RFX3: variants seen among roughly 807,000 people sequenced by gnomAD.
RFX3 encodes the protein transcription factor RFX3.
Under a neutral mutation model 98.6 loss-of-function variants are expected in RFX3, and 14 were observed. That is an observed-to-expected ratio of 0.14 (90% CI 0.09 to 0.22). The LOEUF (loss-of-function observed/expected upper bound fraction) is 0.22, where lower values mean the gene tolerates loss of function less well. Ranked by LOEUF, RFX3 falls within the 10% of genes least tolerant of loss-of-function variation. RFX3 has a pLI of 1.00. For synonymous variants in RFX3, 383 were observed against 328.4 expected, an observed-to-expected ratio of 1.17 and a Z score of -1.80; for missense variants, 639 against 926.9, an observed-to-expected ratio of 0.69 and a Z score of 4.03.
At chr9:3,299,082 T>C (rs1370115105) in intron 5 of RFX3, among the ~76,000 whole-genome samples, 1 of 151,742 alleles carries the variant, frequency 6.6e-6, no homozygotes, top group African/African-American at 2.4e-5. Context: ...CCTCAAATAA[T>C]TCTATATTAT....
At chr9:3,522,938 G>C (rs1818864302) in intron 1 of RFX3, among the ~76,000 whole-genome samples, 1 of 152,008 alleles carries the variant, frequency 6.6e-6, no homozygotes. Flanking sequence ...CCTTTTATTT[G>C]AGTACCAAAG....
intron 15 of RFX3, among the ~76,000 whole-genome samples, chr9:3,244,071 G>C (rs1316414331): frequency 1.3e-5 from 2 of 150,136 alleles, no homozygotes; most frequent in Non-Finnish European, 3.0e-5. Flanking sequence ...GCGTGACCTT[G>C]TCTCACTGCA....
intron 4 of RFX3, among the ~76,000 whole-genome samples, chr9:3,316,465 C>T (rs1424517853): frequency 1.3e-5 from 2 of 152,146 alleles, no homozygotes; most frequent in Admixed American, 6.5e-5. Flanking sequence ...AAAACTGGCA[C>T]AAGACAGGGA....
intron 1 of RFX3, among the ~76,000 whole-genome samples, chr9:3,474,848 G>A (rs548983598): frequency 7.2e-5 from 11 of 152,264 alleles, no homozygotes; most frequent in Admixed American, 2.0e-4. Context: ...TGTAATCTCC[G>A]CACTTTGGGA....
intron 14 of RFX3, among the ~76,000 whole-genome samples, chr9:3,252,050 G>A (rs941040919): frequency 3.3e-5 from 5 of 152,162 alleles, no homozygotes; most frequent in Admixed American, 2.0e-4. Context: ...GTTTCTCCAT[G>A]TTGGTCAGAC....
At chr9:3,336,453 A>C (rs1285898184) in intron 3 of RFX3, among the ~76,000 whole-genome samples, 1 of 152,156 alleles carries the variant, frequency 6.6e-6, no homozygotes, top group Non-Finnish European at 1.5e-5. Flanking sequence ...AGAGCATACC[A>C]AATAGGATAG....
chr9:3,524,877 A>ACACC (rs1406396684), intron 1 of RFX3, among the ~76,000 whole-genome samples: 18 of 99,650 alleles, frequency 1.8e-4, no homozygotes, highest in African/African-American at 5.9e-4. Flanking sequence ...ACACACACAC[A>ACACC]CCAAAGAAGA....
intron 12 of RFX3, among the ~76,000 whole-genome samples, chr9:3,264,754 T>A (rs1049067434): frequency 9.2e-4 from 140 of 152,268 alleles, no homozygotes; most frequent in African/African-American, 3.3e-3. Context: ...ATTGTCTCTG[T>A]TAATTGAATG....
intron 1 of RFX3, among the ~76,000 whole-genome samples, chr9:3,509,568 A>G (rs577039427): frequency 2.0e-5 from 3 of 152,110 alleles, no homozygotes; most frequent in East Asian, 3.9e-4. Context: ...TCCTTAAAAT[A>G]AAGCCTACTG....
In RFX3 at chr9:3,239,421, G is replaced by A. The variant is rs376581543; in HGVS notation, c.1968+8611C>T. Among the ~76,000 whole-genome samples the A allele has an allele frequency of 5.3e-5, 8 of 152,344 alleles. No individual in the cohort carries two copies. In the East Asian group the frequency reaches 1.3e-3, roughly 26 times the overall value. On this transcript the variant is annotated intron_variant, in intron 15 of 16. Coordinates refer to ENST00000617270, the MANE Select transcript of RFX3 (RefSeq NM_001282116.2). ...CACACGTGGGCAAATCCTGCCCGCAGTGGCTGTTGGTCTTGCTGTTGTGGG... is the reference window on the plus strand; with the variant it reads ...CACACGTGGGCAAATCCTGCCCGCAATGGCTGTTGGTCTTGCTGTTGTGGG...
At chr9:3,361,018 C>A (rs999674994) in intron 2 of RFX3, among the ~76,000 whole-genome samples, 4 of 152,104 alleles carry the variant, frequency 2.6e-5, no homozygotes, top group African/African-American at 7.2e-5. Context: ...TTGGTTGGCA[C>A]CAAACATTTC....
At chr9:3,311,809 G>C (rs1196587155) in intron 4 of RFX3, among the ~76,000 whole-genome samples, 1 of 151,864 alleles carries the variant, frequency 6.6e-6, no homozygotes, top group Non-Finnish European at 1.5e-5. Flanking sequence ...GCTTGAATCT[G>C]GGAGGCAGAG....
At chr9:3,231,756 C>T (rs1304588727) in intron 15 of RFX3, among the ~76,000 whole-genome samples, 3 of 151,872 alleles carry the variant, frequency 2.0e-5, no homozygotes, top group Non-Finnish European at 2.9e-5. Flanking sequence ...CAAGATTAGG[C>T]CAGCACAAAT....
intron 5 of RFX3, 152 bp downstream of exon 5, chr9:3,301,394 T>A: frequency 4.0e-6 from 2 of 497,324 alleles, no homozygotes; most frequent in Non-Finnish European, 7.4e-6. Context: ...CTGTACAAAA[T>A]AGCCATTAAA....
intron 2 of RFX3, among the ~76,000 whole-genome samples, chr9:3,366,291 G>C (rs941714227): frequency 6.6e-6 from 1 of 152,134 alleles, no homozygotes; most frequent in Non-Finnish European, 1.5e-5. Context: ...ACCTAGGTGA[G>C]ATATGTGTGT....
chr9:3,353,611 CTAGAG>C (rs747890021), intron 2 of RFX3, among the ~76,000 whole-genome samples: 9 of 151,876 alleles, frequency 5.9e-5, no homozygotes, highest in African/African-American at 2.2e-4. Flanking sequence ...TGTACTAGCT[CTAGAG>C]TAAAGACAAC....
At chr9:3,326,891 T>C (rs1275242293) in intron 4 of RFX3, among the ~76,000 whole-genome samples, 1 of 152,176 alleles carries the variant, frequency 6.6e-6, no homozygotes, top group Admixed American at 6.6e-5. Context: ...TTACACTTAC[T>C]GATAGCCCCC....
chr9:3,238,115 C>T (rs185242235), intron 15 of RFX3, among the ~76,000 whole-genome samples: 82 of 152,254 alleles, frequency 5.4e-4, no homozygotes, highest in African/African-American at 1.8e-3. Flanking sequence ...GTGCTTCTAC[C>T]GTGTCACATT....
chr9:3,389,772 T>TC (rs952921652), intron 2 of RFX3, among the ~76,000 whole-genome samples: 3 of 152,036 alleles, frequency 2.0e-5, no homozygotes, highest in African/African-American at 7.2e-5. Flanking sequence ...TAATGCTGGG[T>TC]CCCACCCCCA....
Sources: allele counts gnomAD v4.1 joint callset (sites outside exome capture counted in the v4.1 genomes callset), GRCh38; gene constraint gnomAD v4.1.1; transcripts MANE v1.5; gene names NCBI Gene and HGNC (gene_info 2026-07-23, HGNC 2026-07-21).